Variants in RBFOX1 observed in about 807,000 individuals in gnomAD.
RBFOX1 encodes RNA binding protein fox-1 homolog 1.
A neutral mutation model predicts 57.7 loss-of-function variants in RBFOX1; 8 were observed. The observed-to-expected ratio is 0.14, with a 90% CI of 0.08 to 0.25. The LOEUF is 0.25. Ranked by LOEUF, RBFOX1 falls within the 10% of genes least tolerant of loss-of-function variation. The pLI is 1.00. For missense variants in RBFOX1, 611 were observed against 548.5 expected (o/e 1.11, Z -1.14); for synonymous variants, 326 against 222.4 (o/e 1.47, Z -4.15).
chr16:7,437,352 G>A (rs1356097860), intron 4 of RBFOX1, among the ~76,000 whole-genome samples: 1 of 151,816 alleles, frequency 6.6e-6, no homozygotes, highest in Non-Finnish European at 1.5e-5. Context: ...TCAAACATGG[G>A]GAAAATGACT....
chr16:5,421,354 G>A (rs1021908087), intron 1 of RBFOX1, among the ~76,000 whole-genome samples: 3 of 152,194 alleles, frequency 2.0e-5, no homozygotes, highest in Non-Finnish European at 4.4e-5. Flanking sequence ...TGTGAAGGCA[G>A]CAGCCTGAGT....
intron 1 of RBFOX1, among the ~76,000 whole-genome samples, chr16:5,363,095 G>A (rs1285906729): frequency 7.0e-6 from 1 of 142,326 alleles, no homozygotes; most frequent in African/African-American, 2.7e-5. Context: ...GCGCAGTGGT[G>A]TGATCTCGGC....
chr16:6,236,881 G>C (rs1345762087), intron 1 of RBFOX1, among the ~76,000 whole-genome samples: 5 of 152,158 alleles, frequency 3.3e-5, no homozygotes, highest in Non-Finnish European at 4.4e-5. Context: ...TAGAGGCTCA[G>C]AGTATTCAAG....
In RBFOX1 at chr16:7,032,784, C is replaced by T. The variant is rs910519423; in HGVS notation, c.-15-19273C>T. Among the ~76,000 whole-genome samples, 7 of 152,238 alleles carry T rather than the reference C, an allele frequency of 4.6e-5. No individual in the cohort carries two copies. The South Asian group carries it at 6.2e-4, about 14-fold the overall frequency. ...CCTTTTACCCTCTATGAGACACCCC[C>T]GCCTTGGGTCTACCTGAACTAAAAA... On this transcript the variant is annotated intron_variant, in intron 3 of 15. Coordinates refer to ENST00000550418, the MANE Select transcript of RBFOX1 (RefSeq NM_018723.4).
intron 1 of RBFOX1, among the ~76,000 whole-genome samples, chr16:6,124,440 C>A (rs1402057641): frequency 6.6e-6 from 1 of 152,122 alleles, no homozygotes; most frequent in Non-Finnish European, 1.5e-5. Flanking sequence ...TAGGGATTGA[C>A]CCCTGGGTTA....
chr16:5,800,475 G>C (rs1430469818), intron 3 of RBFOX1, among the ~76,000 whole-genome samples: 4 of 152,156 alleles, frequency 2.6e-5, no homozygotes, highest in East Asian at 3.9e-4. Context: ...GCTTAGGCCA[G>C]GGTGTGAGTA....
chr16:6,839,207 A>T (rs925469130), intron 3 of RBFOX1, among the ~76,000 whole-genome samples: 23 of 151,470 alleles, frequency 1.5e-4, no homozygotes, highest in African/African-American at 5.6e-4. Context: ...CTGTTCTCGA[A>T]TTCCTGACCT....
At chr16:7,325,993 G>T (rs1271399013) in intron 4 of RBFOX1, among the ~76,000 whole-genome samples, 1 of 152,126 alleles carries the variant, frequency 6.6e-6, no homozygotes, top group African/African-American at 2.4e-5. Context: ...CATCATTCTT[G>T]ATGACTCAGC....
chr16:6,981,460 G>T (rs548634352), intron 3 of RBFOX1, among the ~76,000 whole-genome samples: 2 of 152,192 alleles, frequency 1.3e-5, no homozygotes, highest in Non-Finnish European at 1.5e-5. Flanking sequence ...ATTCCATGGT[G>T]TGTATAAACC....
chr16:7,345,327 G>A (rs941061497), intron 4 of RBFOX1, among the ~76,000 whole-genome samples: 6 of 152,284 alleles, frequency 3.9e-5, no homozygotes, highest in East Asian at 3.9e-4. Context: ...GCCTGCTCTC[G>A]GGGAGGTTTT....
rs1453750130 is a variant in RBFOX1 at position 5,810,330 on chromosome 16, AT to A, written c.319-56971del. On this transcript the variant is annotated intron_variant, in intron 3 of 19. Coordinates refer to the RBFOX1 transcript ENST00000641259. ...TCCTAAAACTTAAAGTATAATAATA[AT>A]TAAAAAAAGATATAAGAATAAGGTG... 5.9e-5 allele frequency among the ~76,000 whole-genome samples: 9 copies of A among 151,638 alleles called. 1 individual carries two copies. In the East Asian group the frequency reaches 1.5e-3, roughly 26 times the overall value.
intron 2 of RBFOX1, among the ~76,000 whole-genome samples, chr16:6,521,570 TTCTC>T (rs144674350): frequency 0.057 from 8,641 of 151,392 alleles, 821 homozygotes; most frequent in African/African-American, 0.2. Flanking sequence ...CTCTTTGTCT[TTCTC>T]TCTTTAATCT....
intron 2 of RBFOX1, among the ~76,000 whole-genome samples, chr16:6,624,675 T>G (rs1271254219): frequency 6.6e-6 from 1 of 152,128 alleles, no homozygotes; most frequent in Non-Finnish European, 1.5e-5. Flanking sequence ...TGGCATTTCT[T>G]GAGGTCACCA....
intron 5 of RBFOX1, among the ~76,000 whole-genome samples, chr16:7,549,086 G>T (rs1047177638): frequency 1.3e-5 from 2 of 152,192 alleles, no homozygotes; most frequent in African/African-American, 2.4e-5. Context: ...CATTTAAGCC[G>T]ATGACTAAGT....
intron 3 of RBFOX1, among the ~76,000 whole-genome samples, chr16:6,784,922 C>A (rs1387489971): frequency 1.3e-5 from 2 of 152,016 alleles, no homozygotes; most frequent in Non-Finnish European, 2.9e-5. Context: ...TTCTAAGTTG[C>A]TTGAAAAATA....
chr16:7,298,003 G>A (rs943529364), intron 4 of RBFOX1, among the ~76,000 whole-genome samples: 8 of 152,100 alleles, frequency 5.3e-5, no homozygotes, highest in East Asian at 3.9e-4. Flanking sequence ...TTAAAGAATC[G>A]TAGAGTTTTG....
intron 3 of RBFOX1, among the ~76,000 whole-genome samples, chr16:6,856,549 A>G (rs1325908092): frequency 2.0e-5 from 3 of 152,164 alleles, no homozygotes; most frequent in Non-Finnish European, 4.4e-5. Context: ...ATGAATGTTC[A>G]TCAAAGAGTG....
chr16:6,977,098 AT>A (rs1198055381), intron 3 of RBFOX1, among the ~76,000 whole-genome samples: 1 of 144,364 alleles, frequency 6.9e-6, no homozygotes, highest in Non-Finnish European at 1.5e-5. Context: ...TTTTATATAT[AT>A]ATCATATATA....
chr16:6,260,160 G>A (rs1281188548), intron 1 of RBFOX1, among the ~76,000 whole-genome samples: 1 of 152,254 alleles, frequency 6.6e-6, no homozygotes, highest in South Asian at 2.1e-4. Context: ...TGAGCTGAGG[G>A]AAAGTTCTCC....
Sources: gnomAD v4.1 joint callset for allele counts (sites outside exome capture counted in the v4.1 genomes callset) on GRCh38, gnomAD v4.1.1 for gene constraint, MANE v1.5 for transcripts, NCBI Gene and HGNC (gene_info 2026-07-23, HGNC 2026-07-21) for gene names.